Variants in SYT1 observed in about 807,000 individuals in gnomAD.
SYT1 encodes synaptotagmin 1, also known as synaptotagmin-1.
In SYT1, 8 loss-of-function variants were observed where a neutral mutation model predicts 44.8. That is an observed-to-expected ratio of 0.18 (90% CI 0.10 to 0.32). The LOEUF (loss-of-function observed/expected upper bound fraction) is 0.32. Ranked by LOEUF, SYT1 falls within the 10% of genes least tolerant of loss-of-function variation. SYT1 has a pLI of 1.00. For missense variants in SYT1, 286 were observed against 509.3 expected, an observed-to-expected ratio of 0.56 and a Z score of 4.22; for synonymous variants, 154 against 188.8, an observed-to-expected ratio of 0.82 and a Z score of 1.51.
At chr12:79,201,098 C>G (rs1015977447) in intron 3 of SYT1, among the ~76,000 whole-genome samples, 1 of 152,026 alleles carries the variant, frequency 6.6e-6, no homozygotes, top group Non-Finnish European at 1.5e-5. Flanking sequence ...GCCATGGAGC[C>G]TCTAAAAGGC....
intron 9 of SYT1, among the ~76,000 whole-genome samples, chr12:79,429,951 A>C (rs1028939914): frequency 6.6e-6 from 1 of 152,214 alleles, no homozygotes; most frequent in Non-Finnish European, 1.5e-5. Flanking sequence ...TGAAAATCAC[A>C]TTAGGTTAAT....
intron 4 of SYT1, among the ~76,000 whole-genome samples, chr12:79,267,702 T>A (rs1161016082): frequency 6.6e-6 from 1 of 152,180 alleles, no homozygotes; most frequent in African/African-American, 2.4e-5. Flanking sequence ...GCCTGTGAAT[T>A]GCCTTCACCT....
intron 2 of SYT1, among the ~76,000 whole-genome samples, chr12:78,980,874 G>A (rs1392133396): frequency 6.6e-6 from 1 of 152,050 alleles, no homozygotes; most frequent in Non-Finnish European, 1.5e-5. Flanking sequence ...CTAAAACACA[G>A]AGAGAGTGGG....
intron 3 of SYT1, among the ~76,000 whole-genome samples, chr12:79,089,903 GA>G (rs1877653587): frequency 6.6e-6 from 1 of 151,984 alleles, no homozygotes; most frequent in South Asian, 2.1e-4. Flanking sequence ...AAACTCAGAG[GA>G]AAAACACATC....
chr12:79,183,788 C>T (rs1248887969), intron 3 of SYT1, among the ~76,000 whole-genome samples: 1 of 152,048 alleles, frequency 6.6e-6, no homozygotes, highest in Non-Finnish European at 1.5e-5. Context: ...TCAATCAATG[C>T]TTACTAAAGT....
intron 3 of SYT1, among the ~76,000 whole-genome samples, chr12:79,167,114 A>G (rs759620268): frequency 6.6e-6 from 1 of 152,042 alleles, no homozygotes; most frequent in Non-Finnish European, 1.5e-5. Context: ...TAAGTGAAAA[A>G]TCTATGTAGA....
At chr12:79,048,648 C>A (rs962043650) in intron 3 of SYT1, among the ~76,000 whole-genome samples, 2 of 151,924 alleles carry the variant, frequency 1.3e-5, no homozygotes, top group East Asian at 1.9e-4. Flanking sequence ...AAAAACTACT[C>A]TTTGATTTAA....
At position 79,204,083 on chromosome 12, in the gene SYT1, C is replaced by CA. The variant is rs572351413; in HGVS notation, c.-17-13417dup. On this transcript the variant is annotated intron_variant, in intron 3 of 10. Transcript: ENST00000261205. Reference sequence around the variant, plus strand: ...CTGGCTCCACCACTTACTAGCTGTGCAAACTTTGGCAAATTCTCTCATCTA... The same window carrying CA: ...CTGGCTCCACCACTTACTAGCTGTGCAAAACTTTGGCAAATTCTCTCATCTA... Among the ~76,000 whole-genome samples the CA allele has an allele frequency of 1.2e-4, 18 of 152,264 alleles. No homozygotes were observed. The South Asian group carries it at 3.7e-3, about 32-fold the overall frequency.
rs117060778 is a variant in SYT1 at position 79,084,491 on chromosome 12, T to C, written c.-18+37129T>C. Among the ~76,000 whole-genome samples, 881 of 152,202 alleles carry C rather than the reference T, an allele frequency of 5.8e-3. 5 individuals are homozygous for C. Among genetic ancestry groups the C allele is most frequent in the Non-Finnish European group, 8.8e-3 (600 of 67,990 alleles). ...ACCGAGACTCCAAGAGGCTCAGTGC[T>C]TTGCCTAAATCTGAGGTCCAGATTA... On this transcript the variant is annotated intron_variant, in intron 3 of 10. Coordinates refer to ENST00000261205, the MANE Select transcript of SYT1 (RefSeq NM_005639.3).
intron 2 of SYT1, among the ~76,000 whole-genome samples, chr12:79,030,399 C>G (rs1872759308): frequency 6.6e-6 from 1 of 150,992 alleles, no homozygotes; most frequent in Non-Finnish European, 1.5e-5. Flanking sequence ...TGCTTTTCTC[C>G]CTCCATAACT....
intron 1 of SYT1, among the ~76,000 whole-genome samples, chr12:78,910,608 A>C (rs987945474): frequency 7.2e-5 from 11 of 152,012 alleles, no homozygotes; most frequent in African/African-American, 2.7e-4. Flanking sequence ...AACAGGGAGT[A>C]AACACGCAAC....
At chr12:79,292,205 C>T (rs1879621650) in intron 6 of SYT1, 75 bp downstream of exon 6, 3 of 1,517,674 alleles carry the variant, frequency 2.0e-6, no homozygotes, top group South Asian at 2.6e-5. Flanking sequence ...AGCAAGATAC[C>T]TCTTAAAATA....
intron 8 of SYT1, among the ~76,000 whole-genome samples, chr12:79,344,036 A>C (rs1015190789): frequency 6.6e-6 from 1 of 152,236 alleles, no homozygotes; most frequent in Non-Finnish European, 1.5e-5. Context: ...AATAAAGTAA[A>C]ATCATGGAAA....
At chr12:78,888,910 A>G (rs1486696198) in intron 1 of SYT1, among the ~76,000 whole-genome samples, 1 of 151,898 alleles carries the variant, frequency 6.6e-6, no homozygotes, top group Non-Finnish European at 1.5e-5. Context: ...CTTCTCTATA[A>G]GAAATGTGAA....
intron 1 of SYT1, among the ~76,000 whole-genome samples, chr12:78,899,621 C>T (rs200329882): frequency 5.8e-4 from 51 of 87,550 alleles, no homozygotes; most frequent in Admixed American, 4.0e-3. Context: ...AGAGTTTTTT[C>T]TTTTTTCTTA....
chr12:79,031,661 TAAAAG>T (rs1007934412), intron 2 of SYT1, among the ~76,000 whole-genome samples: 1 of 151,120 alleles, frequency 6.6e-6, no homozygotes, highest in African/African-American at 2.4e-5. Flanking sequence ...TTATAGAACT[TAAAAG>T]AAAAGCAAAG....
At chr12:79,122,328 C>T (rs1286704156) in intron 3 of SYT1, among the ~76,000 whole-genome samples, 2 of 151,016 alleles carry the variant, frequency 1.3e-5, no homozygotes, top group Non-Finnish European at 3.0e-5. Context: ...TCCTGGCTAA[C>T]ACGGTGAAAC....
chr12:79,020,966 T>C (rs960742611), intron 2 of SYT1, among the ~76,000 whole-genome samples: 1 of 151,956 alleles, frequency 6.6e-6, no homozygotes, highest in African/African-American at 2.4e-5. Context: ...TAGTCAACGT[T>C]GGTGCTAAAC....
At chr12:79,402,195 A>G (rs1487391947) in intron 9 of SYT1, among the ~76,000 whole-genome samples, 1 of 152,104 alleles carries the variant, frequency 6.6e-6, no homozygotes, top group Non-Finnish European at 1.5e-5. Context: ...TTTCTCCCGT[A>G]AAAAGTTTCC....
Sources: allele counts gnomAD v4.1 joint callset (sites outside exome capture counted in the v4.1 genomes callset), GRCh38; gene constraint gnomAD v4.1.1; transcripts MANE v1.5; gene names NCBI Gene and HGNC (gene_info 2026-07-23, HGNC 2026-07-21).